The following OSBPL1A variants were observed in gnomAD, a reference collection of about 807,000 sequenced individuals.
OSBPL1A encodes the protein oxysterol-binding protein-related protein 1.
Under a neutral mutation model 137.1 loss-of-function variants are expected in OSBPL1A, and 80 were observed. That is an observed-to-expected ratio of 0.58 (90% confidence interval 0.49 to 0.70). OSBPL1A has a LOEUF of 0.70. Ranked by LOEUF, OSBPL1A falls within the 30% of genes least tolerant of loss-of-function variation. The pLI is 0.00. For missense variants in OSBPL1A, 970 were observed against 1,129.4 expected, an observed-to-expected ratio of 0.86 and a Z score of 2.02; for synonymous variants, 365 against 389.7, an observed-to-expected ratio of 0.94 and a Z score of 0.75.
intron 15 of OSBPL1A, among the ~76,000 whole-genome samples, chr18:24,257,863 G>A (rs764120198): frequency 6.6e-6 from 1 of 152,102 alleles, no homozygotes; most frequent in African/African-American, 2.4e-5. Context: ...ATGGAAAACA[G>A]GCATATGAAA....
intron 17 of OSBPL1A, among the ~76,000 whole-genome samples, chr18:24,204,609 A>G (rs919992154): frequency 4.1e-5 from 6 of 148,112 alleles, no homozygotes; most frequent in Non-Finnish European, 5.9e-5. Context: ...TGATATATAT[A>G]TATTTCTTCT....
At position 24,253,164 on chromosome 18, in the gene OSBPL1A, T is replaced by TTG. The variant is rs1555638392; in HGVS notation, c.1282-13783_1282-13782insCA. Among the ~76,000 whole-genome samples, 21 of 58,064 alleles carry TTG rather than the reference T, an allele frequency of 3.6e-4. 3 individuals are homozygous for TTG. Among genetic ancestry groups the TTG allele is most frequent in the Non-Finnish European group, 5.4e-4 (15 of 27,672 alleles). The allele number at this position is 58,064 out of a possible 152,430, so 38.1% of individuals were successfully genotyped here. ...GACTAAACTCTCCAATGAAAAGACA[T>TTG]GGCGGGGGGGGGCGCTGAATGGATG... On this transcript the variant is annotated intron_variant, in intron 15 of 27. Transcript: ENST00000319481.
At chr18:24,181,085 C>T (rs898359270) in intron 19 of OSBPL1A, 60 bp downstream of exon 19, 28 of 1,554,238 alleles carry the variant, frequency 1.8e-5, no homozygotes, top group Admixed American at 1.6e-4. Flanking sequence ...TGTGTGTGTT[C>T]GGGGCTGGGT....
chr18:24,224,789 AC>A (rs1395758336), intron 17 of OSBPL1A, among the ~76,000 whole-genome samples: 1 of 152,228 alleles, frequency 6.6e-6, no homozygotes, highest in Admixed American at 6.5e-5. Flanking sequence ...TTTCTAAATC[AC>A]CAACTAAAGG....
chr18:24,242,480 C>T (rs768038860), intron 15 of OSBPL1A, among the ~76,000 whole-genome samples: 3 of 152,060 alleles, frequency 2.0e-5, no homozygotes, highest in Non-Finnish European at 4.4e-5. Flanking sequence ...AAATCTAACC[C>T]TTTTACCTCT....
At chr18:24,337,050 G>C (rs1026168428) in intron 5 of OSBPL1A, among the ~76,000 whole-genome samples, 1 of 152,198 alleles carries the variant, frequency 6.6e-6, no homozygotes, top group Admixed American at 6.5e-5. Flanking sequence ...GTGACATTAT[G>C]TGCCTCCTAA....
At chr18:24,374,789 G>A (rs939528038) in intron 2 of OSBPL1A, among the ~76,000 whole-genome samples, 1 of 152,128 alleles carries the variant, frequency 6.6e-6, no homozygotes, top group Non-Finnish European at 1.5e-5. Flanking sequence ...TATGCCACAC[G>A]ACACACTGAG....
At chr18:24,314,207 T>G in intron 12 of OSBPL1A, 42 bp downstream of exon 12, 1 of 1,336,236 alleles carries the variant, frequency 7.5e-7, no homozygotes, top group Non-Finnish European at 1.0e-6. Flanking sequence ...TCTTTAAATG[T>G]TCTGTAAGTT....
chr18:24,392,577 A>T (rs1186782986), intron 1 of OSBPL1A, among the ~76,000 whole-genome samples: 1 of 152,268 alleles, frequency 6.6e-6, no homozygotes, highest in Non-Finnish European at 1.5e-5. Flanking sequence ...TTTAAAATAC[A>T]TTGTATGCTA....
chr18:24,368,687 C>T (rs1261337110), intron 2 of OSBPL1A: 4 of 242,738 alleles, frequency 1.6e-5, no homozygotes, highest in Non-Finnish European at 2.5e-5. Context: ...AATCATCTTG[C>T]CATCATCAGG....
chr18:24,368,192 T>C (rs2146195131), intron 3 of OSBPL1A, 95 bp downstream of exon 3: 1 of 839,214 alleles, frequency 1.2e-6, no homozygotes, highest in African/African-American at 1.7e-5. Flanking sequence ...AAATAAGTCA[T>C]TATGGCTCAG....
rs1285876552 is a variant in OSBPL1A, at chr18:24,370,871, G to A, written c.122-2499C>T. ...TTTTGTAGGGATGGGGTTTTGCCAT[G>A]TTGCCCAGGCTGGTCTCAAACTCCT... On this transcript the variant is annotated intron_variant, in intron 2 of 27. Coordinates refer to ENST00000319481, the MANE Select transcript of OSBPL1A (RefSeq NM_080597.4). Among the ~76,000 whole-genome samples the A allele has an allele frequency of 2.6e-5, 4 of 152,202 alleles. No homozygotes were observed. The South Asian group carries it at 8.3e-4, about 32-fold the overall frequency.
chr18:24,293,125 A>AAAAAAAAAAAAAAAAG lies in OSBPL1A; in HGVS notation c.1174+10511_1174+10512insCTTTTTTTTTTTTTTT, dbSNP rs200624581. On this transcript the variant is annotated intron_variant, in intron 14 of 27. Transcript: ENST00000319481. ...GTCTCAAAAAAAAAAAAAAAAAAAA[A>AAAAAAAAAAAAAAAAG]AAAGAAAAGAAAAGAAAAAATTAAA... 5.5e-3 allele frequency among the ~76,000 whole-genome samples: 453 copies of AAAAAAAAAAAAAAAAG among 81,868 alleles called. 20 individuals are homozygous for AAAAAAAAAAAAAAAAG. Among genetic ancestry groups the AAAAAAAAAAAAAAAAG allele is most frequent in the Non-Finnish European group, 9.3e-3 (325 of 34,876 alleles). 53.7% of individuals were successfully genotyped at this position (81,868 alleles called of 152,430 possible). A position where few individuals can be genotyped will look rare whatever the true frequency, so the allele number is the denominator to read the frequency against.
Position 24,311,974 on chromosome 18 carries a change from T to C in OSBPL1A, c.1092+10A>G, listed in dbSNP as rs1160830720. The stretch of plus-strand genomic sequence containing the variant: ...TAGCTATAAAGGTCAGGTTACATTT[T>C]CCTATTTACCTCTAATGATTTCTTC... On this transcript the variant is annotated intron_variant, in intron 13 of 27. Transcript: ENST00000319481. The C allele has an allele frequency of 6.8e-6, 11 of 1,613,728 alleles. No individual in the cohort carries two copies. The highest frequency in any genetic ancestry group is 8.5e-7 in the Non-Finnish European group (1 of 1,179,826).
rs2086283487 is a variant in OSBPL1A at position 24,171,439 on chromosome 18, T to A, written c.2261A>T (p.His754Leu). ...KPCGLFGKEL[H>L]KVEGYIQDKS... is the part of the protein sequence containing the mutation. Reference sequence around the variant, plus strand: ...ATCTTGAATGTAGCCTTCAACTTTGTGTAATTCCTTACCAAAAAGGCCACA... The same window carrying A: ...ATCTTGAATGTAGCCTTCAACTTTGAGTAATTCCTTACCAAAAAGGCCACA... The change falls in exon 23 of 28, where the codon CAC becomes CTC. Residue 754 changes from histidine to leucine, a missense_variant. By Grantham distance (99) the His-to-Leu change is moderately conservative (BLOSUM62 -3). Transcript: ENST00000319481. 1 of 1,613,952 alleles carries A rather than the reference T, an allele frequency of 6.2e-7. No homozygotes were observed. Among genetic ancestry groups the A allele is most frequent in the Non-Finnish European group, 8.5e-7 (1 of 1,179,878 alleles).
intron 18 of OSBPL1A, among the ~76,000 whole-genome samples, chr18:24,194,888 T>C (rs2086981943): frequency 6.6e-6 from 1 of 152,188 alleles, no homozygotes. Context: ...TGAATTACTC[T>C]CCATGCAGGA....
At chr18:24,170,517 C>T (rs2086250810) in intron 23 of OSBPL1A, 64 bp from the exon 24 acceptor site, 1 of 1,597,702 alleles carries the variant, frequency 6.3e-7, no homozygotes, top group Non-Finnish European at 8.6e-7. Context: ...CCGACAGCAC[C>T]TGGTATTCCC....
intron 5 of OSBPL1A, among the ~76,000 whole-genome samples, chr18:24,335,663 T>C (rs1463713399): frequency 6.6e-6 from 1 of 152,200 alleles, no homozygotes; most frequent in East Asian, 1.9e-4. Context: ...GTTTTTCAGG[T>C]CATCCTGACT....
intron 25 of OSBPL1A, 106 bp downstream of exon 25, chr18:24,167,223 A>G (rs1241726392): frequency 9.7e-7 from 1 of 1,035,170 alleles, no homozygotes; most frequent in African/African-American, 1.6e-5. Context: ...CAGGATGCCA[A>G]CCTGCCTGTC....
Sources: allele counts gnomAD v4.1 joint callset (sites outside exome capture counted in the v4.1 genomes callset), GRCh38; gene constraint gnomAD v4.1.1; transcripts MANE v1.5; gene names NCBI Gene and HGNC (gene_info 2026-07-23, HGNC 2026-07-21).